Variants in SYNDIG1 observed in about 807,000 individuals in gnomAD.
SYNDIG1 encodes the protein synapse differentiation inducing 1.
SYNDIG1 carries 9 observed loss-of-function variants against 19.4 expected under a neutral mutation model. The ratio of observed to expected loss-of-function variants is 0.46; its 90% CI spans 0.28 to 0.81. The LOEUF (loss-of-function observed/expected upper bound fraction) is 0.81, where lower values mean the gene tolerates loss of function less well. SYNDIG1 is among the 30% of genes least tolerant of loss of function. SYNDIG1 has a pLI of 0.12. For missense variants in SYNDIG1, 311 were observed against 343.3 expected (o/e 0.91, Z 0.74); for synonymous variants, 141 against 145.9 (o/e 0.97, Z 0.24).
At chr20:24,525,286 CTTTTTTTTTTT>C (rs11471122) in intron 1 of SYNDIG1, among the ~76,000 whole-genome samples, 2 of 106,532 alleles carry the variant, frequency 1.9e-5, no homozygotes, top group Admixed American at 1.0e-4. Context: ...TCTTCTTCTT[CTTTTTTTTTTT>C]TTTTTTTTTT....
At chr20:24,664,255 T>C (rs1039116507) in intron 3 of SYNDIG1, among the ~76,000 whole-genome samples, 1 of 152,090 alleles carries the variant, frequency 6.6e-6, no homozygotes, top group African/African-American at 2.4e-5. Context: ...GCCTTTCTGG[T>C]CCACTGCAGA....
At chr20:24,583,312 C>A (rs578174833) in intron 2 of SYNDIG1, among the ~76,000 whole-genome samples, 13 of 152,328 alleles carry the variant, frequency 8.5e-5, no homozygotes, top group African/African-American at 3.1e-4. Flanking sequence ...TCTGGCTTCA[C>A]AGGGTCTGTC....
At chr20:24,577,050 A>T (rs2146973404) in intron 2 of SYNDIG1, among the ~76,000 whole-genome samples, 1 of 152,274 alleles carries the variant, frequency 6.6e-6, no homozygotes, top group African/African-American at 2.4e-5. Context: ...AGGAGGAAAA[A>T]CTAAAAGTAT....
At chr20:24,597,340 C>T (rs900156975) in intron 3 of SYNDIG1, among the ~76,000 whole-genome samples, 2 of 152,202 alleles carry the variant, frequency 1.3e-5, no homozygotes, top group African/African-American at 4.8e-5. Flanking sequence ...TATTTCAGGA[C>T]ACAGTTTGTT....
At chr20:24,509,977 T>G (rs574574788) in intron 1 of SYNDIG1, among the ~76,000 whole-genome samples, 1 of 152,156 alleles carries the variant, frequency 6.6e-6, no homozygotes, top group South Asian at 2.1e-4. Context: ...ATCTGGTGGT[T>G]TAAAGGTGTG....
chr20:24,625,571 G>A (rs562575870), intron 3 of SYNDIG1, among the ~76,000 whole-genome samples: 16 of 151,930 alleles, frequency 1.1e-4, no homozygotes, highest in Admixed American at 7.9e-4. Flanking sequence ...GACTCTTAAC[G>A]AGCATGCTGC....
rs139123104 is a variant in SYNDIG1, at chr20:24,587,515, C to T, written c.618+2522C>T. ...TGAGCATTCTGTTTACAGCCCGCACCGCAGATGCGTGGTCTCCAGCAGGCC... is the reference window on the plus strand; with the variant it reads ...TGAGCATTCTGTTTACAGCCCGCACTGCAGATGCGTGGTCTCCAGCAGGCC... On this transcript the variant is annotated intron_variant, in intron 3 of 3. Transcript: ENST00000376862. 2.0e-4 allele frequency among the ~76,000 whole-genome samples: 31 copies of T among 152,366 alleles called. 1 individual carries two copies. The highest frequency in any genetic ancestry group is 7.2e-4 in the Admixed American group (11 of 15,310).
chr20:24,522,153 C>T (rs2057019041), intron 1 of SYNDIG1, among the ~76,000 whole-genome samples: 1 of 152,122 alleles, frequency 6.6e-6, no homozygotes, highest in Non-Finnish European at 1.5e-5. Flanking sequence ...TAGCTCACTG[C>T]AGCCTCAAAC....
chr20:24,608,510 C>T (rs767636422), intron 3 of SYNDIG1, among the ~76,000 whole-genome samples: 10 of 152,146 alleles, frequency 6.6e-5, no homozygotes, highest in Non-Finnish European at 1.0e-4. Flanking sequence ...ATCCATCACC[C>T]GCCAACTGAC....
chr20:24,606,864 C>T (rs964664922), intron 3 of SYNDIG1, among the ~76,000 whole-genome samples: 1 of 152,186 alleles, frequency 6.6e-6, no homozygotes, highest in African/African-American at 2.4e-5. Flanking sequence ...AAAGTGGATG[C>T]TGACGAGCAG....
chr20:24,527,776 G>T (rs1432612919), intron 1 of SYNDIG1, among the ~76,000 whole-genome samples: 2 of 152,154 alleles, frequency 1.3e-5, no homozygotes, highest in African/African-American at 2.4e-5. Flanking sequence ...AGCTGCAGCA[G>T]CGTCACCTAT....
At chr20:24,606,180 T>C (rs990882361) in intron 3 of SYNDIG1, among the ~76,000 whole-genome samples, 1 of 152,234 alleles carries the variant, frequency 6.6e-6, no homozygotes, top group Non-Finnish European at 1.5e-5. Context: ...TGGAGCATCA[T>C]TGCAAGTGTC....
chr20:24,595,104 G>C (rs562624763), intron 3 of SYNDIG1, among the ~76,000 whole-genome samples: 3 of 152,174 alleles, frequency 2.0e-5, no homozygotes, highest in South Asian at 4.1e-4. Flanking sequence ...TCTCAAGGGG[G>C]ATGCTTCCAA....
At chr20:24,512,699 G>A (rs891263233) in intron 1 of SYNDIG1, among the ~76,000 whole-genome samples, 1 of 152,158 alleles carries the variant, frequency 6.6e-6, no homozygotes, top group Non-Finnish European at 1.5e-5. Flanking sequence ...CACCTCCGGG[G>A]GCAGGGCATA....
chr20:24,576,878 T>G (rs138693863), intron 2 of SYNDIG1, among the ~76,000 whole-genome samples: 1,696 of 152,286 alleles, frequency 0.011, 13 homozygotes, highest in Middle Eastern at 0.027. Flanking sequence ...TCCCATCCCC[T>G]TCCTCAGTTC....
chr20:24,543,899 A>G (rs1382284404), intron 2 of SYNDIG1, among the ~76,000 whole-genome samples: 1 of 152,178 alleles, frequency 6.6e-6, no homozygotes, highest in African/African-American at 2.4e-5. Flanking sequence ...CAGAGAGGTC[A>G]TTGACAAGAT....
At chr20:24,595,039 C>T (rs1001865119) in intron 3 of SYNDIG1, among the ~76,000 whole-genome samples, 2 of 152,232 alleles carry the variant, frequency 1.3e-5, no homozygotes, top group East Asian at 1.9e-4. Flanking sequence ...GCTAGGACTT[C>T]CAGTACTTTG....
At chr20:24,628,821 C>T (rs2059198006) in intron 3 of SYNDIG1, among the ~76,000 whole-genome samples, 1 of 152,160 alleles carries the variant, frequency 6.6e-6, no homozygotes, top group African/African-American at 2.4e-5. Context: ...TCCACCTGCC[C>T]TTGATCATCC....
chr20:24,644,186 T>G (rs1411786068), intron 3 of SYNDIG1, among the ~76,000 whole-genome samples: 1 of 152,258 alleles, frequency 6.6e-6, no homozygotes, highest in Non-Finnish European at 1.5e-5. Context: ...GTCTGCTCTA[T>G]GGAGTCTCCA....
Sources: allele counts gnomAD v4.1 joint callset (sites outside exome capture counted in the v4.1 genomes callset), GRCh38; gene constraint gnomAD v4.1.1; transcripts MANE v1.5; gene names NCBI Gene and HGNC (gene_info 2026-07-23, HGNC 2026-07-21).